EPHB1: variants seen among roughly 807,000 people sequenced by gnomAD.
EPHB1 encodes the protein EPH receptor B1, also known as ephrin type-B receptor 1.
Under a neutral mutation model 94.4 loss-of-function variants are expected in EPHB1, and 30 were observed. That is an observed-to-expected ratio of 0.32 (90% CI 0.24 to 0.43). The LOEUF is 0.43. Among genes scored for constraint, EPHB1 ranks in the 20% least tolerant of loss-of-function variants. The pLI is 1.00. For missense variants in EPHB1, 1,055 were observed against 1,308.3 expected (o/e 0.81, Z 2.99); for synonymous variants, 522 against 489.1 (o/e 1.07, Z -0.89).
chr3:134,852,965 C>T (rs1035969851), intron 1 of EPHB1, among the ~76,000 whole-genome samples: 1 of 152,160 alleles, frequency 6.6e-6, no homozygotes. Flanking sequence ...AGTCTCCTTC[C>T]ATACTGTCAG....
chr3:134,932,646 A>C (rs1031186109), intron 2 of EPHB1, among the ~76,000 whole-genome samples: 77 of 152,196 alleles, frequency 5.1e-4, no homozygotes, highest in African/African-American at 1.7e-3. Context: ...TCTGTCATAT[A>C]TGAAACAATA....
rs754436903 is a variant in EPHB1 at position 135,241,179 on chromosome 3, C to T, written c.2378C>T (p.Pro793Leu). ...GGKIPVRWTA[P>L]EAIAYRKFTS... The stretch of plus-strand genomic sequence containing the variant: ...AAGATCCCTGTGAGATGGACAGCTC[C>T]AGAGGCCATCGCCTACCGCAAGTTC... The change falls in exon 13 of 16, where the codon CCA becomes CTA. Residue 793 changes from proline (P) to leucine (L), a missense_variant. Transcript: ENST00000398015. 11 of 1,614,052 alleles carry T rather than the reference C, an allele frequency of 6.8e-6. No homozygotes were observed. In the Admixed American group the frequency reaches 1.8e-4, roughly 27 times the overall value.
Position 134,795,541 on chromosome 3 carries a change from C to A in EPHB1, c.-91C>A. On this transcript the variant is annotated 5_prime_UTR_variant, in exon 1 of 16. Transcript: ENST00000398015. ...AGCGCGAAAGGATACCGAGAAGCCACCCGCGGAGAGCGCAGCGGCGCCCTG... is the reference window on the plus strand; with the variant it reads ...AGCGCGAAAGGATACCGAGAAGCCAACCGCGGAGAGCGCAGCGGCGCCCTG... 7.8e-7 allele frequency: 1 copy of A among 1,282,766 alleles called. No homozygotes were observed. Among genetic ancestry groups the A allele is most frequent in the South Asian group, 1.3e-5 (1 of 75,524 alleles). The allele number at this position is 1,282,766 out of a possible 1,614,324, so 79.5% of individuals were successfully genotyped here. A position where few individuals can be genotyped will look rare whatever the true frequency, so the allele number is the denominator to read the frequency against.
At chr3:135,134,289 C>T (rs545265394) in intron 5 of EPHB1, among the ~76,000 whole-genome samples, 50 of 152,336 alleles carry the variant, frequency 3.3e-4, no homozygotes, top group African/African-American at 1.2e-3. Flanking sequence ...TCTCCCCCTC[C>T]CTGACCTCCT....
At chr3:135,044,316 G>C (rs929271077) in intron 3 of EPHB1, among the ~76,000 whole-genome samples, 4 of 152,206 alleles carry the variant, frequency 2.6e-5, no homozygotes, top group Non-Finnish European at 5.9e-5. Context: ...GTGTCGCCAA[G>C]CCATGCTTTC....
chr3:135,072,570 G>A (rs777564835), intron 3 of EPHB1, among the ~76,000 whole-genome samples: 5 of 152,036 alleles, frequency 3.3e-5, no homozygotes, highest in Admixed American at 1.3e-4. Context: ...ACTTCCCGCC[G>A]ATCCCCACCA....
chr3:135,147,817 A>G (rs923243721), intron 5 of EPHB1, among the ~76,000 whole-genome samples: 2 of 152,200 alleles, frequency 1.3e-5, no homozygotes, highest in African/African-American at 2.4e-5. Context: ...TGTGACCTAC[A>G]TCTTCCTAGA....
At chr3:135,173,711 G>A (rs1028210906) in intron 9 of EPHB1, among the ~76,000 whole-genome samples, 5 of 152,216 alleles carry the variant, frequency 3.3e-5, no homozygotes, top group East Asian at 1.9e-4. Flanking sequence ...GCTACCACCC[G>A]TGTGCCTCCC....
At chr3:135,143,942 A>G (rs375554585) in intron 5 of EPHB1, among the ~76,000 whole-genome samples, 34 of 152,322 alleles carry the variant, frequency 2.2e-4, no homozygotes, top group African/African-American at 7.5e-4. Context: ...CCAGGAACAC[A>G]CTGCAGCCTG....
At chr3:135,052,586 G>A (rs1298636730) in intron 3 of EPHB1, among the ~76,000 whole-genome samples, 2 of 151,670 alleles carry the variant, frequency 1.3e-5, no homozygotes, top group Admixed American at 1.3e-4. Context: ...AAATGGCCAA[G>A]CGCAGTGGCT....
At chr3:134,860,740 T>C (rs563815761) in intron 1 of EPHB1, among the ~76,000 whole-genome samples, 1 of 130,652 alleles carries the variant, frequency 7.7e-6, no homozygotes, top group South Asian at 2.3e-4. Context: ...TTGAACCCAA[T>C]AGGCAGAGGT....
At chr3:134,840,119 C>CT (rs1429367794) in intron 1 of EPHB1, among the ~76,000 whole-genome samples, 2 of 152,236 alleles carry the variant, frequency 1.3e-5, no homozygotes, top group Non-Finnish European at 2.9e-5. Context: ...TCAGCTATTT[C>CT]TATGCATCCT....
intron 3 of EPHB1, among the ~76,000 whole-genome samples, chr3:134,959,306 G>T (rs6439538): frequency 0.49 from 75,059 of 151,748 alleles, 19,390 homozygotes; most frequent in African/African-American, 0.63. Flanking sequence ...AGAGGGGTCC[G>T]CCAGGAGCAT....
At chr3:134,802,381 T>C (rs1191979244) in intron 1 of EPHB1, among the ~76,000 whole-genome samples, 9 of 149,636 alleles carry the variant, frequency 6.0e-5, no homozygotes, top group Admixed American at 4.6e-4. Context: ...GGGCTGACAA[T>C]TGTAGATAAA....
At chr3:135,176,976 C>T (rs568760200) in intron 9 of EPHB1, among the ~76,000 whole-genome samples, 12 of 152,264 alleles carry the variant, frequency 7.9e-5, no homozygotes, top group Middle Eastern at 3.4e-3. Context: ...GCCCACCCTC[C>T]GCTTGCTTCC....
chr3:134,941,245 C>T (rs997728478), intron 2 of EPHB1, among the ~76,000 whole-genome samples: 2 of 151,620 alleles, frequency 1.3e-5, no homozygotes, highest in Non-Finnish European at 2.9e-5. Flanking sequence ...GTGGAATCAG[C>T]TCAAATCTCT....
At chr3:135,107,912 G>A (rs969250258) in intron 4 of EPHB1, among the ~76,000 whole-genome samples, 3 of 152,262 alleles carry the variant, frequency 2.0e-5, no homozygotes, top group Middle Eastern at 3.4e-3. Flanking sequence ...CTGTTTTTCT[G>A]TTGTGCTATC....
In EPHB1 at chr3:134,843,449, C is replaced by T. The variant is rs1160187325; in HGVS notation, c.58+47760C>T. Among the ~76,000 whole-genome samples, 15 of 152,162 alleles carry T rather than the reference C, an allele frequency of 9.9e-5. No homozygotes were observed. In the South Asian group the frequency reaches 3.1e-3, roughly 32 times the overall value. The stretch of plus-strand genomic sequence containing the variant: ...TCATTAAATTTGAACTGTTTTAAAC[C>T]ATTATTTTTCAAATGTTTTTCTTTC... On this transcript the variant is annotated intron_variant, in intron 1 of 15. Coordinates refer to ENST00000398015, the MANE Select transcript of EPHB1 (RefSeq NM_004441.5).
At chr3:135,107,048 C>T (rs1338938011) in intron 4 of EPHB1, among the ~76,000 whole-genome samples, 5 of 152,154 alleles carry the variant, frequency 3.3e-5, no homozygotes, top group Non-Finnish European at 7.4e-5. Context: ...ATTGTTCAGT[C>T]ATTCTGTACT....
Sources: allele counts gnomAD v4.1 joint callset (sites outside exome capture counted in the v4.1 genomes callset), GRCh38; gene constraint gnomAD v4.1.1; transcripts MANE v1.5; gene names NCBI Gene and HGNC (gene_info 2026-07-23, HGNC 2026-07-21).